BLOC1S5: variants seen among roughly 807,000 people sequenced by gnomAD.
BLOC1S5 encodes biogenesis of lysosome-related organelles complex 1 subunit 5.
BLOC1S5 carries 27 observed loss-of-function variants against 24.3 expected under a neutral mutation model. That is an observed-to-expected ratio of 1.11 (90% CI 0.82 to 1.53). The LOEUF is 1.53. BLOC1S5 is among the 40% of genes most tolerant of loss of function. The probability of loss-of-function intolerance (pLI) is 0.00; values close to 1 mark genes in which losing one functional copy is unlikely to be tolerated. For synonymous variants in BLOC1S5, 84 were observed against 74.5 expected, an observed-to-expected ratio of 1.13 and a Z score of -0.66; for missense variants, 239 against 229.4, an observed-to-expected ratio of 1.04 and a Z score of -0.27.
At chr6:8,016,876 CAAAAAA>C (rs36179729) in intron 4 of BLOC1S5, among the ~76,000 whole-genome samples, 3 of 97,602 alleles carry the variant, frequency 3.1e-5, no homozygotes, top group African/African-American at 7.8e-5. Context: ...TACTCTATCT[CAAAAAA>C]AAAAAAAAAA....
chr6:8,055,365 G>A (rs1438269813), intron 2 of BLOC1S5, among the ~76,000 whole-genome samples: 1 of 152,230 alleles, frequency 6.6e-6, no homozygotes, highest in Admixed American at 6.5e-5. Flanking sequence ...AACCCAGAAG[G>A]TGGAGGTTGT....
In BLOC1S5 at chr6:8,062,303, C is replaced by A. The variant is rs112584651; in HGVS notation, c.195+231G>T. Among the ~76,000 whole-genome samples, 282 of 152,156 alleles carry A rather than the reference C, an allele frequency of 1.9e-3. 1 individual carries two copies. The highest frequency in any genetic ancestry group is 6.3e-3 in the African/African-American group (263 of 41,506). ...TTTATAGATTAAAAAAACCTCAGAT[C>A]AACAGACATTAAATACCCTAGAGCA... On this transcript the variant is annotated intron_variant, in intron 2 of 4. Transcript: ENST00000397457.
At chr6:8,032,933 C>A (rs1030436315) in intron 3 of BLOC1S5, among the ~76,000 whole-genome samples, 6 of 152,068 alleles carry the variant, frequency 3.9e-5, no homozygotes, top group Non-Finnish European at 8.8e-5. Context: ...ATGTGAAGGA[C>A]CTCTTCAAGG....
rs751305231 is a variant in BLOC1S5, at chr6:8,064,335, G to T, written c.42C>A (p.Ala14=). Residue 14 remains alanine (A), a synonymous_variant, in exon 1 of 5, where the codon GCC becomes GCA. Transcript: ENST00000397457. ...TCTTCTTGCTGCCACCGCCCGGGGC[G>T]GCCTCACAACCCACAGGGGTCTCTG... The part of the protein sequence containing the change: ...GGTETPVGCE[A]APGGGSKKRD... 6.2e-7 allele frequency: 1 copy of T among 1,612,948 alleles called. No individual in the cohort carries two copies. The highest frequency in any genetic ancestry group is 1.7e-5 in the Admixed American group (1 of 60,018).
intron 2 of BLOC1S5, among the ~76,000 whole-genome samples, chr6:8,043,321 A>T (rs1763756353): frequency 6.6e-6 from 1 of 152,206 alleles, no homozygotes. Context: ...TAGCCAATGC[A>T]ATAATACCTC....
intron 3 of BLOC1S5, chr6:8,027,345 G>C: frequency 4.4e-6 from 2 of 456,648 alleles, no homozygotes; most frequent in Non-Finnish European, 4.4e-6. Flanking sequence ...CATGTGCTTT[G>C]TGCCAGGCAC....
rs61172083 is a variant in BLOC1S5 at position 8,020,374 on chromosome 6, C to T, written c.385-4546G>A. On this transcript the variant is annotated intron_variant, in intron 4 of 4. Transcript: ENST00000397457. ...ACATCTTGTCGCTTTTTTCTCTGAA[C>T]AAATACCACTTTCTAAGGCAAAAGA... Among the ~76,000 whole-genome samples, 927 of 152,266 alleles carry T rather than the reference C, an allele frequency of 6.1e-3. 8 individuals carry two copies. The highest frequency in any genetic ancestry group is 0.021 in the African/African-American group (884 of 41,566).
chr6:8,036,268 T>C (rs1763482253), intron 3 of BLOC1S5, among the ~76,000 whole-genome samples: 1 of 151,728 alleles, frequency 6.6e-6, no homozygotes, highest in Non-Finnish European at 1.5e-5. Context: ...ATCAGAAAAA[T>C]AGAAAGACTT....
At chr6:8,022,007 A>T (rs1762930911) in intron 4 of BLOC1S5, among the ~76,000 whole-genome samples, 1 of 152,110 alleles carries the variant, frequency 6.6e-6, no homozygotes, top group Non-Finnish European at 1.5e-5. Flanking sequence ...ACTGCTCTCC[A>T]CCAATTAAAG....
intron 3 of BLOC1S5, among the ~76,000 whole-genome samples, chr6:8,040,624 C>T (rs533842003): frequency 2.2e-4 from 33 of 152,240 alleles, no homozygotes; most frequent in African/African-American, 7.2e-4. Context: ...CTTGGGAGGC[C>T]GAGGCAGGTG....
intron 2 of BLOC1S5, among the ~76,000 whole-genome samples, chr6:8,049,580 A>C (rs529534748): frequency 6.6e-6 from 1 of 152,082 alleles, no homozygotes; most frequent in South Asian, 2.1e-4. Flanking sequence ...TGTAGCTTCT[A>C]CTCCTATCCT....
intron 3 of BLOC1S5, among the ~76,000 whole-genome samples, chr6:8,034,758 T>TCTA (rs1763428494): frequency 6.6e-6 from 1 of 151,958 alleles, no homozygotes; most frequent in Admixed American, 6.6e-5. Flanking sequence ...TAACAGTAGA[T>TCTA]CTACCATTTG....
At chr6:8,028,148 C>T (rs1171794271) in intron 3 of BLOC1S5, among the ~76,000 whole-genome samples, 1 of 152,134 alleles carries the variant, frequency 6.6e-6, no homozygotes, top group Non-Finnish European at 1.5e-5. Flanking sequence ...AATCCGGCCC[C>T]AACTAGGTCA....
Position 8,015,539 on chromosome 6 carries a change from C to A in BLOC1S5, c.*110G>T. ...TCTTTCTTCTGATATAAGAGTGCCA[C>A]TGAATATATTGCTAAGCTTGAAGCA... On this transcript the variant is annotated 3_prime_UTR_variant, in exon 5 of 5. Transcript: ENST00000397457. 1 of 1,101,802 alleles carries A rather than the reference C, an allele frequency of 9.1e-7. No homozygotes were observed. Among genetic ancestry groups the A allele is most frequent in the Non-Finnish European group, 1.3e-6 (1 of 777,806 alleles). The allele number at this position is 1,101,802 out of a possible 1,614,324, so 68.3% of individuals were successfully genotyped here.
intron 2 of BLOC1S5, among the ~76,000 whole-genome samples, chr6:8,041,655 C>CTTTTTTTTTTTTTTTTTTTT (rs1554139177): frequency 1.3e-4 from 14 of 111,916 alleles, no homozygotes; most frequent in African/African-American, 1.6e-4. Flanking sequence ...TTCTTTCTTT[C>CTTTTTTTTTTTTTTTTTTTT]TTTTTTTTTG....
chr6:8,060,091 T>C (rs1007332620), intron 2 of BLOC1S5, among the ~76,000 whole-genome samples: 3 of 152,210 alleles, frequency 2.0e-5, no homozygotes, highest in Non-Finnish European at 4.4e-5. Context: ...AGAAAATGAA[T>C]ACAGTGCCAT....
intron 2 of BLOC1S5, among the ~76,000 whole-genome samples, chr6:8,052,461 G>C (rs534839629): frequency 2.0e-5 from 3 of 152,172 alleles, no homozygotes; most frequent in South Asian, 4.1e-4. Flanking sequence ...TTCATGGGAA[G>C]AGGTCAAAGT....
chr6:8,023,324 G>A (rs13191023), intron 4 of BLOC1S5, among the ~76,000 whole-genome samples: 19,192 of 152,184 alleles, frequency 0.13, 1,511 homozygotes, highest in South Asian at 0.28. Flanking sequence ...TATGAATGAC[G>A]TTTATCAGTT....
intron 2 of BLOC1S5, among the ~76,000 whole-genome samples, chr6:8,051,510 C>T (rs987751959): frequency 9.9e-5 from 15 of 152,214 alleles, no homozygotes; most frequent in Non-Finnish European, 1.0e-4. Context: ...GATCTAGCTA[C>T]GATCATTGCT....
Sources: allele counts gnomAD v4.1 joint callset (sites outside exome capture counted in the v4.1 genomes callset), GRCh38; gene constraint gnomAD v4.1.1; transcripts MANE v1.5; gene names NCBI Gene and HGNC (gene_info 2026-07-23, HGNC 2026-07-21).